The following BBLN variants were observed in gnomAD, a reference collection of about 807,000 sequenced individuals.
The protein encoded by BBLN is bublin coiled-coil protein.
In BBLN, 6 loss-of-function variants were observed where a neutral mutation model predicts 7.6. That is an observed-to-expected ratio of 0.79 (90% confidence interval 0.43 to 1.55). The LOEUF (loss-of-function observed/expected upper bound fraction) is 1.55. Among genes scored for constraint, BBLN ranks in the 40% most tolerant of loss-of-function variants. BBLN has a pLI of 0.01. For missense variants in BBLN, 100 were observed against 111.1 expected, an observed-to-expected ratio of 0.90 and a Z score of 0.45; for synonymous variants, 35 against 46.7, an observed-to-expected ratio of 0.75 and a Z score of 1.02.
Position 128,163,902 on chromosome 9 carries a change from C to G in BBLN, c.*287C>G. ...CCCACTCTGCCCAGGCCTTGAGTGT[C>G]CACATTAAATGGGTCTCCCACACCG... On this transcript the variant is annotated 3_prime_UTR_variant, in exon 2 of 2. Transcript: ENST00000372994. The surrounding 1 kb of genome is among the most constrained non-coding windows in gnomAD (Gnocchi z 5.7). 2.5e-6 allele frequency: 1 copy of G among 398,582 alleles called. No homozygotes were observed. The highest frequency in any genetic ancestry group is 4.5e-6 in the Non-Finnish European group (1 of 221,388). 24.7% of individuals were successfully genotyped at this position (398,582 alleles called of 1,614,324 possible). A position where few individuals can be genotyped will look rare whatever the true frequency, so the allele number is the denominator to read the frequency against.
intron 1 of BBLN, among the ~76,000 whole-genome samples, chr9:128,161,643 C>CTT (rs60529484): frequency 0.045 from 6,501 of 144,160 alleles, 470 homozygotes; most frequent in African/African-American, 0.16. Context: ...CCTGTCTGAG[C>CTT]TTTTTTTTTT....
At chr9:128,161,004 CCTT>C (rs1303401656) in intron 1 of BBLN, among the ~76,000 whole-genome samples, 10 of 149,832 alleles carry the variant, frequency 6.7e-5, no homozygotes, top group South Asian at 2.1e-4. Flanking sequence ...TCCCTTCTCA[CCTT>C]CTTCAGCCTC....
chr9:128,160,320 C>T lies in BBLN; in HGVS notation c.-88C>T, dbSNP rs1829240260. 5 of 712,910 alleles carry T rather than the reference C, an allele frequency of 7.0e-6. No individual in the cohort carries two copies. The highest frequency in any genetic ancestry group is 4.3e-5 in the Admixed American group (1 of 23,094). 44.2% of individuals were successfully genotyped at this position (712,910 alleles called of 1,614,324 possible). On this transcript the variant is annotated 5_prime_UTR_variant, in exon 1 of 2. Transcript: ENST00000372994. ...CCCTTCCGGCCCGTGTTCTATCCGCCGCCTCCACCTTCCATCCGGCGCCGG... is the reference window on the plus strand; with the variant it reads ...CCCTTCCGGCCCGTGTTCTATCCGCTGCCTCCACCTTCCATCCGGCGCCGG...
rs141077901 is a variant in BBLN at position 128,161,248 on chromosome 9, G to GT, written c.79+763dup. ...GTGCATGCTCTTTGTTTTGTTTGGC[G>GT]TAACAGCTTTATTGAGCTATACAAC... is the stretch of plus-strand genomic sequence containing the variant. On this transcript the variant is annotated intron_variant, in intron 1 of 1. Transcript: ENST00000372994. 1.5e-3 allele frequency among the ~76,000 whole-genome samples: 222 copies of GT among 144,606 alleles called. 3 individuals are homozygous for GT. In the East Asian group the frequency reaches 0.038, roughly 25 times the overall value. 94.9% of individuals were successfully genotyped at this position (144,606 alleles called of 152,430 possible).
rs1381333453 is a variant in BBLN, at chr9:128,160,462, G to A, written c.55G>A (p.Glu19Lys). 4.9e-5 allele frequency: 62 copies of A among 1,266,094 alleles called. No individual in the cohort carries two copies. Among genetic ancestry groups the A allele is most frequent in the Non-Finnish European group, 5.4e-5 (54 of 997,488 alleles). 78.4% of individuals were successfully genotyped at this position (1,266,094 alleles called of 1,614,324 possible). A position where few individuals can be genotyped will look rare whatever the true frequency, so the allele number is the denominator to read the frequency against. Residue 19 changes from glutamate (E) to lysine (K), a missense_variant, in exon 1 of 2, where the codon GAG (glutamate) becomes AAG (lysine). By Grantham distance (56) the Glu-to-Lys change is moderately conservative. Transcript: ENST00000372994. ...GCCGGTGGAGGCGGGAGCGGAAGGCGAGGAGGACGGCTTCGGGGAAGCAGG... is the reference window on the plus strand; with the variant it reads ...GCCGGTGGAGGCGGGAGCGGAAGGCAAGGAGGACGGCTTCGGGGAAGCAGG... ...GMPVEAGAEGEEDGFGEAEYA... is the reference protein window; with the variant it reads ...GMPVEAGAEGKEDGFGEAEYA...
intron 1 of BBLN, chr9:128,162,779 G>A (rs1249748998): frequency 6.5e-6 from 1 of 153,728 alleles, no homozygotes; most frequent in East Asian, 1.9e-4. Context: ...GGAGGGCTAG[G>A]GGCTCAGCAT....
chr9:128,160,748 G>T (rs1208527713), intron 1 of BBLN, among the ~76,000 whole-genome samples: 1 of 152,248 alleles, frequency 6.6e-6, no homozygotes, highest in Admixed American at 6.5e-5. Flanking sequence ...TGTGGGCCTT[G>T]CTCCACCACT....
In BBLN at chr9:128,160,286, C is replaced by G. The variant is rs1476301510; in HGVS notation, c.-122C>G. On this transcript the variant is annotated 5_prime_UTR_variant, in exon 1 of 2. Coordinates refer to ENST00000372994, the MANE Select transcript of BBLN (RefSeq NM_024112.4). ...CGGCCTCTGGGCGGAGATCTGCTGC[C>G]GCGTTCTACCCTTCCGGCCCGTGTT... 6.2e-6 allele frequency: 3 copies of G among 485,608 alleles called. No individual in the cohort carries two copies. Among genetic ancestry groups the G allele is most frequent in the African/African-American group, 2.0e-5 (1 of 50,140 alleles). The allele number at this position is 485,608 out of a possible 1,614,324, so 30.1% of individuals were successfully genotyped here. A position where few individuals can be genotyped will look rare whatever the true frequency, so the allele number is the denominator to read the frequency against.
chr9:128,160,604 G>T, intron 1 of BBLN, 118 bp downstream of exon 1: 1 of 774,112 alleles, frequency 1.3e-6, no homozygotes, highest in African/African-American at 1.8e-5. Flanking sequence ...CCCCGAGCGG[G>T]TCCGGAGTTG....
chr9:128,160,399 G>C lies in BBLN; in HGVS notation c.-9G>C, dbSNP rs999479395. The C allele has an allele frequency of 5.6e-6, 7 of 1,252,922 alleles. No individual in the cohort carries two copies. In the East Asian group the frequency reaches 2.2e-4, roughly 39 times the overall value. 77.6% of individuals were successfully genotyped at this position (1,252,922 alleles called of 1,614,324 possible). A position where few individuals can be genotyped will look rare whatever the true frequency, so the allele number is the denominator to read the frequency against. On this transcript the variant is annotated 5_prime_UTR_variant, in exon 1 of 2. Coordinates refer to ENST00000372994, the MANE Select transcript of BBLN (RefSeq NM_024112.4). ...TCGTCGCGCGGCCCTTCGGGCGCCCGAGCCCGCAATGTCGGGCCCCAACGG... is the reference window on the plus strand; with the variant it reads ...TCGTCGCGCGGCCCTTCGGGCGCCCCAGCCCGCAATGTCGGGCCCCAACGG...
chr9:128,163,555 GC>G lies in BBLN; in HGVS notation c.193del (p.Gln65ArgfsTer46). On this transcript the variant is annotated frameshift_variant, in exon 2 of 2. Coordinates refer to ENST00000372994, the MANE Select transcript of BBLN (RefSeq NM_024112.4). LOFTEE classifies it high-confidence loss of function. The surrounding 1 kb of genome is among the most constrained non-coding windows in gnomAD (Gnocchi z 5.7). ...TCCAGGAGCTGCTGGAGTCCAACCG[GC>G]AGACACGCCTGGAGTTCCAGCAGCA... The part of the protein sequence containing the change: ...RLQELLESNR[Q>X]TRLEFQQQLG... The G allele has an allele frequency of 1.2e-6, 2 of 1,608,174 alleles. No individual in the cohort carries two copies. Among genetic ancestry groups the G allele is most frequent in the Non-Finnish European group, 1.7e-6 (2 of 1,177,102 alleles).
intron 1 of BBLN, among the ~76,000 whole-genome samples, chr9:128,161,505 T>C (rs1358411421): frequency 2.0e-5 from 3 of 152,176 alleles, no homozygotes; most frequent in Non-Finnish European, 4.4e-5. Flanking sequence ...TTGACACAGA[T>C]AAAGCCTGGC....
intron 1 of BBLN, 66 bp downstream of exon 1, chr9:128,160,552 G>A (rs1230842634): frequency 4.8e-6 from 5 of 1,041,918 alleles, no homozygotes; most frequent in South Asian, 2.4e-5. Context: ...AAGGGGAATC[G>A]AGATGGGGTC....
chr9:128,161,544 C>A (rs1419374509), intron 1 of BBLN, among the ~76,000 whole-genome samples: 1 of 152,154 alleles, frequency 6.6e-6, no homozygotes, highest in Non-Finnish European at 1.5e-5. Context: ...CCTGCCTCCC[C>A]AATTCCTCCT....
intron 1 of BBLN, chr9:128,161,958 A>G (rs1829260187): frequency 6.6e-6 from 1 of 152,204 alleles, no homozygotes; most frequent in Non-Finnish European, 1.5e-5. Context: ...TGAACTCTTG[A>G]TGTGTTTGAA....
Position 128,163,560 on chromosome 9 carries a change from C to A in BBLN, c.197C>A (p.Thr66Lys), listed in dbSNP as rs1287090880. ...LQELLESNRQ[T>K]RLEFQQQLGE... ...GAGCTGCTGGAGTCCAACCGGCAGA[C>A]ACGCCTGGAGTTCCAGCAGCAGCTC... is the stretch of plus-strand genomic sequence containing the variant. Residue 66 changes from threonine to lysine, a missense_variant, in exon 2 of 2, where the codon ACA becomes AAA. By Grantham distance (78) the Thr-to-Lys change is moderately conservative. Transcript: ENST00000372994. This position sits in a 1 kb window ranked among gnomAD's most constrained non-coding sequence, Gnocchi z 5.7. 2.5e-6 allele frequency: 4 copies of A among 1,607,242 alleles called. No individual in the cohort carries two copies. The highest frequency in any genetic ancestry group is 2.5e-6 in the Non-Finnish European group (3 of 1,176,676).
Position 128,163,384 on chromosome 9 carries a change from G to C in BBLN, c.80-59G>C, listed in dbSNP as rs1829274038. ...CAGGCTGGGAAACAGTGGAGGGAGG[G>C]TGTCCATTAGCCCCAAGGAGACACA... On this transcript the variant is annotated intron_variant, in intron 1 of 1. Coordinates refer to ENST00000372994, the MANE Select transcript of BBLN (RefSeq NM_024112.4). This position sits in a 1 kb window ranked among gnomAD's most constrained non-coding sequence, Gnocchi z 5.7. The C allele has an allele frequency of 7.0e-7, 1 of 1,426,050 alleles. No homozygotes were observed. Among genetic ancestry groups the C allele is most frequent in the Admixed American group, 2.5e-5 (1 of 40,604 alleles). 88.3% of individuals were successfully genotyped at this position (1,426,050 alleles called of 1,614,324 possible).
chr9:128,162,631 AC>A (rs1252458587), intron 1 of BBLN: 1 of 152,328 alleles, frequency 6.6e-6, no homozygotes, highest in Non-Finnish European at 1.5e-5. Flanking sequence ...CAGTCATTCA[AC>A]AAATGCTTAT....
Position 128,163,689 on chromosome 9 carries a change from G to T in BBLN, c.*74G>T. ...CTCTGGCCTGGGCACTCACCCCCTG[G>T]CTTAGACACCTTCTCAAGGGCTGGC... is the stretch of plus-strand genomic sequence containing the variant. On this transcript the variant is annotated 3_prime_UTR_variant, in exon 2 of 2. Transcript: ENST00000372994. The surrounding 1 kb of genome is among the most constrained non-coding windows in gnomAD (Gnocchi z 5.7). 1 of 1,260,588 alleles carries T rather than the reference G, an allele frequency of 7.9e-7. No homozygotes were observed. The highest frequency in any genetic ancestry group is 1.1e-6 in the Non-Finnish European group (1 of 948,504). 78.1% of individuals were successfully genotyped at this position (1,260,588 alleles called of 1,614,324 possible).
Sources: gnomAD v4.1 joint callset for allele counts (sites outside exome capture counted in the v4.1 genomes callset) on GRCh38, gnomAD v4.1.1 for gene constraint, Gnocchi (gnomAD v3.1) non-coding constraint, MANE v1.5 for transcripts, NCBI Gene and HGNC (gene_info 2026-07-23, HGNC 2026-07-21) for gene names.